DLG2: variants seen among roughly 807,000 people sequenced by gnomAD.
The protein encoded by DLG2 is disks large homolog 2.
A neutral mutation model predicts 132.5 loss-of-function variants in DLG2; 45 were observed. The observed-to-expected ratio is 0.34, with a 90% CI of 0.27 to 0.44. DLG2 has a LOEUF of 0.44. DLG2 is among the 20% of genes least tolerant of loss of function. DLG2 has a pLI of 1.00. For missense variants in DLG2, 1,045 were observed against 1,196.9 expected, an observed-to-expected ratio of 0.87 and a Z score of 1.87; for synonymous variants, 424 against 419.6, an observed-to-expected ratio of 1.01 and a Z score of -0.13.
At chr11:85,403,307 C>A (rs2088368024) in intron 3 of DLG2, among the ~76,000 whole-genome samples, 1 of 151,904 alleles carries the variant, frequency 6.6e-6, no homozygotes, top group Non-Finnish European at 1.5e-5. Context: ...CGCATGCACA[C>A]AGGGTCGGGT....
chr11:84,663,720 A>G (rs2099697109), intron 6 of DLG2, among the ~76,000 whole-genome samples: 1 of 152,156 alleles, frequency 6.6e-6, no homozygotes. Flanking sequence ...GTCCAACACT[A>G]TTCATACCTG....
chr11:83,624,316 A>C (rs2062124553), intron 19 of DLG2, among the ~76,000 whole-genome samples: 1 of 152,188 alleles, frequency 6.6e-6, no homozygotes, highest in Non-Finnish European at 1.5e-5. Context: ...AGAAATATAA[A>C]AATTAAAAAC....
chr11:84,135,917 G>A (rs1214766598), intron 9 of DLG2, among the ~76,000 whole-genome samples: 1 of 152,064 alleles, frequency 6.6e-6, no homozygotes, highest in Admixed American at 6.6e-5. Flanking sequence ...CTCTAATTCT[G>A]ATGAGACATA....
At chr11:85,516,645 T>A (rs575135489) in intron 3 of DLG2, among the ~76,000 whole-genome samples, 2 of 151,910 alleles carry the variant, frequency 1.3e-5, no homozygotes, top group African/African-American at 4.8e-5. Flanking sequence ...ACTATGAACA[T>A]CTCTACACTG....
intron 3 of DLG2, among the ~76,000 whole-genome samples, chr11:85,345,607 G>A (rs983004483): frequency 2.0e-5 from 3 of 152,016 alleles, no homozygotes; most frequent in Admixed American, 1.3e-4. Context: ...CTTTCACTGG[G>A]CCATGCTGCA....
At chr11:84,246,343 T>C (rs1273091966) in intron 8 of DLG2, among the ~76,000 whole-genome samples, 1 of 152,258 alleles carries the variant, frequency 6.6e-6, no homozygotes, top group Non-Finnish European at 1.5e-5. Context: ...GTGCTGCAGA[T>C]GTTACCTGCC....
intron 6 of DLG2, among the ~76,000 whole-genome samples, chr11:84,698,540 C>T (rs975104307): frequency 6.6e-6 from 1 of 151,468 alleles, no homozygotes; most frequent in Admixed American, 6.6e-5. Context: ...GTAAAATATA[C>T]AATTCATAAA....
chr11:84,194,144 T>A (rs1347691345), intron 8 of DLG2, among the ~76,000 whole-genome samples: 2 of 152,200 alleles, frequency 1.3e-5, no homozygotes, highest in Non-Finnish European at 2.9e-5. Flanking sequence ...ATAATTAGGG[T>A]AATGCTTCTC....
intron 11 of DLG2, among the ~76,000 whole-genome samples, chr11:83,989,238 G>C (rs2093559863): frequency 6.6e-6 from 1 of 152,112 alleles, no homozygotes; most frequent in Non-Finnish European, 1.5e-5. Flanking sequence ...TCCTCAACCT[G>C]TACAGGGTTT....
chr11:84,369,109 A>G (rs2098695852), intron 7 of DLG2, among the ~76,000 whole-genome samples: 1 of 152,136 alleles, frequency 6.6e-6, no homozygotes, highest in Admixed American at 6.6e-5. Flanking sequence ...TTACATTTTT[A>G]TACTGCAATA....
chr11:85,083,773 G>C (rs2067547026), intron 6 of DLG2, among the ~76,000 whole-genome samples: 1 of 152,108 alleles, frequency 6.6e-6, no homozygotes, highest in Non-Finnish European at 1.5e-5. Flanking sequence ...TGCAGATGAA[G>C]CCTTCAGGTA....
chr11:84,109,807 G>T (rs2093230295), intron 9 of DLG2, among the ~76,000 whole-genome samples: 1 of 152,076 alleles, frequency 6.6e-6, no homozygotes, highest in Non-Finnish European at 1.5e-5. Context: ...ATTTAGACTG[G>T]TTTGTGTATT....
intron 4 of DLG2, among the ~76,000 whole-genome samples, chr11:85,155,420 T>C (rs1402374636): frequency 6.6e-6 from 1 of 152,202 alleles, no homozygotes; most frequent in Non-Finnish European, 1.5e-5. Context: ...TCACAGTTCT[T>C]GAGAGTGACA....
At chr11:83,472,935 C>G (rs899598753) in intron 22 of DLG2, among the ~76,000 whole-genome samples, 158 bp from the exon 23 acceptor site, 1 of 152,116 alleles carries the variant, frequency 6.6e-6, no homozygotes, top group Non-Finnish European at 1.5e-5. Context: ...TCATAAAACT[C>G]TTTAGCACCA....
chr11:84,365,191 C>T (rs2098674536), intron 7 of DLG2, among the ~76,000 whole-genome samples: 1 of 152,096 alleles, frequency 6.6e-6, no homozygotes, highest in South Asian at 2.1e-4. Flanking sequence ...AATTTCAGAT[C>T]CTTTTATTGG....
intron 7 of DLG2, among the ~76,000 whole-genome samples, chr11:84,295,030 T>A (rs997094901): frequency 2.3e-4 from 35 of 152,330 alleles, no homozygotes; most frequent in Middle Eastern, 3.4e-3. Flanking sequence ...CCATCAGCAA[T>A]AATTAATTTC....
chr11:85,564,287 C>CT (rs2077413731), intron 3 of DLG2, among the ~76,000 whole-genome samples: 1 of 151,708 alleles, frequency 6.6e-6, no homozygotes, highest in African/African-American at 2.4e-5. Flanking sequence ...TTCCTTTTTA[C>CT]TTTTTTTCAT....
At chr11:85,517,680 G>GCTCGCT (rs2094196156) in intron 3 of DLG2, among the ~76,000 whole-genome samples, 1 of 151,688 alleles carries the variant, frequency 6.6e-6, no homozygotes, top group Non-Finnish European at 1.5e-5. Flanking sequence ...CACAATCATA[G>GCTCGCT]CTCGCTCACT....
rs1163818126 is a variant in DLG2 at position 84,432,783 on chromosome 11, A to G, written c.519+101787T>C. 4.6e-5 allele frequency among the ~76,000 whole-genome samples: 7 copies of G among 152,242 alleles called. No homozygotes were observed. The East Asian group carries it at 1.4e-3, about 29-fold the overall frequency. On this transcript the variant is annotated intron_variant, in intron 7 of 27. Coordinates refer to ENST00000376104, the MANE Select transcript of DLG2 (RefSeq NM_001142699.3). ...GGCTCACACCTATAATCCCAGCACT[A>G]TGGGAGGCTGAAATGGATTGCTTGA...
Sources: gnomAD v4.1 joint callset for allele counts (sites outside exome capture counted in the v4.1 genomes callset) on GRCh38, gnomAD v4.1.1 for gene constraint, MANE v1.5 for transcripts, NCBI Gene and HGNC (gene_info 2026-07-23, HGNC 2026-07-21) for gene names.